METTL8: variants seen among roughly 807,000 people sequenced by gnomAD.
METTL8 encodes tRNA N(3)-cytidine methyltransferase METTL8, mitochondrial.
METTL8 carries 32 observed loss-of-function variants against 48.7 expected under a neutral mutation model. The observed-to-expected ratio is 0.66, with a 90% confidence interval of 0.50 to 0.88. The LOEUF (loss-of-function observed/expected upper bound fraction) is 0.88. Among genes scored for constraint, METTL8 ranks in the 40% least tolerant of loss-of-function variants. The probability of loss-of-function intolerance (pLI) is 0.00; values close to 1 mark genes in which losing one functional copy is unlikely to be tolerated. For missense variants in METTL8, 464 were observed against 474.4 expected, an observed-to-expected ratio of 0.98 and a Z score of 0.20; for synonymous variants, 136 against 157.1, an observed-to-expected ratio of 0.87 and a Z score of 1.01.
In METTL8 at chr2:171,336,298, T is replaced by C. The variant is rs370085757; in HGVS notation, c.656+1155A>G. Among the ~76,000 whole-genome samples the C allele has an allele frequency of 1.5e-4, 23 of 150,972 alleles. 1 individual carries two copies. The highest frequency in any genetic ancestry group is 5.6e-4 in the African/African-American group (23 of 41,064). ...TTTTAGTAGAGATGGGGTTTCACTATGTTGGCCAGGCTGGTCTCGAACTCC... is the reference window on the plus strand; with the variant it reads ...TTTTAGTAGAGATGGGGTTTCACTACGTTGGCCAGGCTGGTCTCGAACTCC... On this transcript the variant is annotated intron_variant, in intron 5 of 9. Coordinates refer to ENST00000375258, the MANE Select transcript of METTL8 (RefSeq NM_001321154.2).
intron 2 of METTL8, among the ~76,000 whole-genome samples, chr2:171,362,541 C>A (rs187979501): frequency 6.7e-6 from 1 of 149,212 alleles, no homozygotes; most frequent in East Asian, 2.0e-4. Flanking sequence ...GTTGAAGGTA[C>A]GAAACTGTTT....
chr2:171,387,410 A>C (rs1688168353), intron 2 of METTL8, among the ~76,000 whole-genome samples: 2 of 152,008 alleles, frequency 1.3e-5, no homozygotes, highest in African/African-American at 2.4e-5. Context: ...CATGTTTATA[A>C]TCCCAGATAC....
At chr2:171,397,502 T>C (rs1689213160) in intron 1 of METTL8, among the ~76,000 whole-genome samples, 1 of 134,896 alleles carries the variant, frequency 7.4e-6, no homozygotes. Flanking sequence ...TGCAGTGAAC[T>C]ATGATCATGC....
At chr2:171,363,340 A>C (rs1685357461) in intron 2 of METTL8, among the ~76,000 whole-genome samples, 1 of 152,142 alleles carries the variant, frequency 6.6e-6, no homozygotes, top group Non-Finnish European at 1.5e-5. Flanking sequence ...TTTTAGAAGA[A>C]CTGGATTCAC....
At chr2:171,414,285 T>C (rs562082126) in intron 1 of METTL8, among the ~76,000 whole-genome samples, 1 of 152,000 alleles carries the variant, frequency 6.6e-6, no homozygotes, top group South Asian at 2.1e-4. Flanking sequence ...GGTGTGGTGG[T>C]ACATGCCTGT....
At chr2:171,412,883 T>C (rs921537357) in intron 1 of METTL8, among the ~76,000 whole-genome samples, 2 of 152,216 alleles carry the variant, frequency 1.3e-5, no homozygotes, top group Non-Finnish European at 2.9e-5. Flanking sequence ...TTGATAAAAT[T>C]TAAGCTTTTA....
At chr2:171,361,548 T>C (rs1685171432) in intron 2 of METTL8, among the ~76,000 whole-genome samples, 1 of 152,222 alleles carries the variant, frequency 6.6e-6, no homozygotes, top group South Asian at 2.1e-4. Flanking sequence ...CCTTTATTTA[T>C]TACATATCAG....
rs138477298 is a variant in METTL8 at position 171,349,077 on chromosome 2, T to C, written c.236-9523A>G. Reference sequence around the variant, plus strand: ...AGTACTGTTGAGTATATTCATATTGTTGTGAAACAGACCTCCAGGATGTTT... The same window carrying C: ...AGTACTGTTGAGTATATTCATATTGCTGTGAAACAGACCTCCAGGATGTTT... On this transcript the variant is annotated intron_variant, in intron 3 of 9. Coordinates refer to ENST00000375258, the MANE Select transcript of METTL8 (RefSeq NM_001321154.2). Among the ~76,000 whole-genome samples, 72 of 152,344 alleles carry C rather than the reference T, an allele frequency of 4.7e-4. 1 individual carries two copies. The East Asian group carries it at 0.013, about 26-fold the overall frequency.
At chr2:171,389,188 T>G (rs985002951) in intron 2 of METTL8, among the ~76,000 whole-genome samples, 1 of 152,088 alleles carries the variant, frequency 6.6e-6, no homozygotes, top group African/African-American at 2.4e-5. Flanking sequence ...CTAGTCAACT[T>G]GTGAAATGCA....
intron 2 of METTL8, among the ~76,000 whole-genome samples, chr2:171,383,049 G>A (rs1687722303): frequency 6.6e-6 from 1 of 152,082 alleles, no homozygotes; most frequent in African/African-American, 2.4e-5. Context: ...ACTCCAGTCT[G>A]GGCGACAGAG....
intron 1 of METTL8, among the ~76,000 whole-genome samples, chr2:171,401,324 C>T (rs1689616544): frequency 6.6e-6 from 1 of 152,200 alleles, no homozygotes; most frequent in African/African-American, 2.4e-5. Flanking sequence ...AGAGGGTGAC[C>T]ATCTGCCAGA....
intron 1 of METTL8, among the ~76,000 whole-genome samples, chr2:171,427,253 T>C (rs1220296160): frequency 6.6e-6 from 1 of 152,210 alleles, no homozygotes; most frequent in East Asian, 1.9e-4. Flanking sequence ...GTTACCACTC[T>C]AGTCCAAAAC....
At chr2:171,350,287 T>C (rs1048870632) in intron 3 of METTL8, among the ~76,000 whole-genome samples, 6 of 152,254 alleles carry the variant, frequency 3.9e-5, no homozygotes, top group Non-Finnish European at 5.9e-5. Context: ...ACAAAGGACA[T>C]GAACTCATCC....
intron 1 of METTL8, among the ~76,000 whole-genome samples, chr2:171,413,190 T>C (rs956539289): frequency 6.6e-6 from 1 of 152,206 alleles, no homozygotes. Flanking sequence ...AATTGTAATA[T>C]TGCAATTAAC....
intron 2 of METTL8, among the ~76,000 whole-genome samples, chr2:171,372,532 G>A (rs1177599194): frequency 4.0e-5 from 6 of 151,724 alleles, no homozygotes; most frequent in East Asian, 1.9e-4. Context: ...TGTGCACAAC[G>A]TGTAGGTTTG....
At chr2:171,386,312 G>A (rs1688045076) in intron 2 of METTL8, among the ~76,000 whole-genome samples, 1 of 152,216 alleles carries the variant, frequency 6.6e-6, no homozygotes, top group Non-Finnish European at 1.5e-5. Context: ...TTATCTCATA[G>A]CCTGTGATAA....
chr2:171,341,921 T>C (rs1231948837), intron 3 of METTL8, among the ~76,000 whole-genome samples: 1 of 151,930 alleles, frequency 6.6e-6, no homozygotes, highest in Non-Finnish European at 1.5e-5. Flanking sequence ...TCAGTAATAC[T>C]GGTTGCCTCT....
rs1397016498 is a variant in METTL8 at position 171,317,012 on chromosome 2, CAGA to C, written c.*7157_*7159del. Among the ~76,000 whole-genome samples the C allele has an allele frequency of 6.6e-6, 1 of 152,110 alleles. No homozygotes were observed. The highest frequency in any genetic ancestry group is 1.5e-5 in the Non-Finnish European group (1 of 68,028). ...AGGAACACAAGTTGCTCTCAGGAGG[CAGA>C]AGGTGAGAGAAATGAGGCAGCAATT... On this transcript the variant is annotated 3_prime_UTR_variant, in exon 10 of 10. Transcript: ENST00000375258.
intron 2 of METTL8, among the ~76,000 whole-genome samples, chr2:171,370,119 G>C (rs1333247326): frequency 6.6e-6 from 1 of 151,162 alleles, no homozygotes; most frequent in Admixed American, 6.6e-5. Flanking sequence ...AAAAGGAACA[G>C]GGGAAAAAAA....
Sources: allele counts gnomAD v4.1 joint callset (sites outside exome capture counted in the v4.1 genomes callset), GRCh38; gene constraint gnomAD v4.1.1; transcripts MANE v1.5; gene names NCBI Gene and HGNC (gene_info 2026-07-23, HGNC 2026-07-21).